The following COL11A1 variants were observed in gnomAD, a reference collection of about 807,000 sequenced individuals.
COL11A1 encodes collagen type XI alpha 1 chain, also known as collagen alpha-1(XI) chain.
COL11A1 carries 74 observed loss-of-function variants against 265.2 expected under a neutral mutation model. That is an observed-to-expected ratio of 0.28 (90% CI 0.23 to 0.34). COL11A1 has a LOEUF of 0.34. COL11A1 is among the 10% of genes least tolerant of loss of function. The probability of loss-of-function intolerance (pLI) is 1.00; values close to 1 mark genes in which losing one functional copy is unlikely to be tolerated. For missense variants in COL11A1, 2,165 were observed against 2,263.6 expected (o/e 0.96, Z 0.88); for synonymous variants, 816 against 727.6 (o/e 1.12, Z -1.96).
Position 102,896,995 on chromosome 1 carries a change from T to A in COL11A1, c.4302+1130A>T, listed in dbSNP as rs564680515. Among the ~76,000 whole-genome samples, 3 of 152,218 alleles carry A rather than the reference T, an allele frequency of 2.0e-5. No individual in the cohort carries two copies. In the South Asian group the frequency reaches 6.2e-4, roughly 32 times the overall value. On this transcript the variant is annotated intron_variant, in intron 57 of 66. Transcript: ENST00000370096. The stretch of plus-strand genomic sequence containing the variant: ...TTCAACCGGGGCCCTTTTCCTAAGC[T>A]GATGAGATAATGGGCAGAACTGATC...
chr1:102,888,471 A>G (rs904938946), intron 62 of COL11A1, 106 bp downstream of exon 62: 1 of 1,020,522 alleles, frequency 9.8e-7, no homozygotes. Flanking sequence ...TAAAATCAGC[A>G]CTTTTGGCAG....
In COL11A1 at chr1:102,877,253, G is replaced by A. The variant is rs987679505; in HGVS notation, c.*766C>T. On this transcript the variant is annotated 3_prime_UTR_variant, in exon 67 of 67. Coordinates refer to ENST00000370096, the MANE Select transcript of COL11A1 (RefSeq NM_001854.4). ...TATCCTGTGAAATCCTGGATTCTGAGAAGAAAAAGTTTGAGGTATAGCCTT... is the reference window on the plus strand; with the variant it reads ...TATCCTGTGAAATCCTGGATTCTGAAAAGAAAAAGTTTGAGGTATAGCCTT... 6 of 152,512 alleles carry A rather than the reference G, an allele frequency of 3.9e-5. No homozygotes were observed. The Admixed American group carries it at 3.9e-4, about 10-fold the overall frequency. The allele number at this position is 152,512 out of a possible 1,614,324, so 9.4% of individuals were successfully genotyped here.
intron 2 of COL11A1, 108 bp downstream of exon 2, chr1:103,082,697 C>T: frequency 2.1e-6 from 2 of 974,034 alleles, no homozygotes; most frequent in Non-Finnish European, 3.1e-6. Context: ...ATTATCTAAC[C>T]TGATAAAAAT....
At chr1:102,951,470 G>A (rs1043896930) in intron 41 of COL11A1, among the ~76,000 whole-genome samples, 2 of 152,186 alleles carry the variant, frequency 1.3e-5, no homozygotes, top group South Asian at 4.1e-4. Context: ...GGCCAAGGCG[G>A]GCGGATCACG....
chr1:103,103,211 AATG>A (rs1321505377), intron 1 of COL11A1, among the ~76,000 whole-genome samples: 2 of 152,068 alleles, frequency 1.3e-5, no homozygotes, highest in African/African-American at 4.8e-5. Context: ...AGTGTGTCAT[AATG>A]ATTATCTGAC....
At chr1:103,015,893 G>T (rs1196214374) in intron 11 of COL11A1, 151 bp from the exon 12 acceptor site, 2 of 550,130 alleles carry the variant, frequency 3.6e-6, no homozygotes, top group African/African-American at 1.9e-5. Flanking sequence ...TACCTAGACA[G>T]AATTCTATTC....
chr1:102,890,522 A>G lies in COL11A1; in HGVS notation c.4303-18T>C, dbSNP rs767253382. The G allele has an allele frequency of 3.1e-6, 5 of 1,587,760 alleles. No individual in the cohort carries two copies. The African/African-American group carries it at 4.1e-5, about 13-fold the overall frequency. ...GGAGGTCCCTAAATAATAACAAAAA[A>G]AAAACCCCAAAACAAAAACAGAGTA... On this transcript the variant is annotated intron_variant, in intron 57 of 66. Coordinates refer to ENST00000370096, the MANE Select transcript of COL11A1 (RefSeq NM_001854.4).
At chr1:103,072,354 T>C (rs1045348931) in intron 4 of COL11A1, among the ~76,000 whole-genome samples, 2 of 151,936 alleles carry the variant, frequency 1.3e-5, no homozygotes, top group African/African-American at 2.4e-5. Flanking sequence ...AATCTGCAAC[T>C]AAATCTGACT....
intron 38 of COL11A1, among the ~76,000 whole-genome samples, chr1:102,965,015 CATT>C (rs1369134447): frequency 6.6e-6 from 1 of 151,926 alleles, no homozygotes; most frequent in Non-Finnish European, 1.5e-5. Flanking sequence ...TTCTGATATT[CATT>C]ATTATGAAGG....
chr1:103,101,120 T>C (rs576239191), intron 1 of COL11A1, among the ~76,000 whole-genome samples: 251 of 151,886 alleles, frequency 1.7e-3, no homozygotes, highest in Non-Finnish European at 2.6e-3. Flanking sequence ...TGTTCAAAGA[T>C]AGGGGAGAAC....
At chr1:102,921,405 A>C in intron 48 of COL11A1, 113 bp downstream of exon 48, 1 of 843,326 alleles carries the variant, frequency 1.2e-6, no homozygotes, top group South Asian at 1.7e-5. Flanking sequence ...GTTCTTAACC[A>C]CTTAATATTA....
At chr1:102,896,570 A>G (rs1017657467) in intron 57 of COL11A1, among the ~76,000 whole-genome samples, 9 of 152,328 alleles carry the variant, frequency 5.9e-5, no homozygotes, top group African/African-American at 2.2e-4. Flanking sequence ...ACAAGCAGTC[A>G]GAATGGAATG....
chr1:103,031,308 T>C, intron 4 of COL11A1, 64 bp from the exon 5 acceptor site: 2 of 1,551,990 alleles, frequency 1.3e-6, no homozygotes, highest in Non-Finnish European at 1.7e-6. Flanking sequence ...AAAGTACACA[T>C]ATACCAAAGC....
intron 41 of COL11A1, among the ~76,000 whole-genome samples, chr1:102,958,359 A>G (rs904614815): frequency 6.6e-6 from 1 of 152,076 alleles, no homozygotes; most frequent in African/African-American, 2.4e-5. Context: ...AACTCATAGT[A>G]AGTTTTGAAC....
At chr1:103,036,106 T>C (rs974332486) in intron 4 of COL11A1, among the ~76,000 whole-genome samples, 5 of 151,574 alleles carry the variant, frequency 3.3e-5, no homozygotes, top group Non-Finnish European at 7.4e-5. Context: ...CTGAGGGTTT[T>C]GATTACAAAC....
intron 10 of COL11A1, among the ~76,000 whole-genome samples, chr1:103,018,244 G>T (rs1351677856): frequency 5.3e-5 from 8 of 152,060 alleles, no homozygotes. Flanking sequence ...TTAGGTTAGA[G>T]GCAATTATGT....
At chr1:103,073,267 G>A (rs1454431782) in intron 4 of COL11A1, among the ~76,000 whole-genome samples, 1 of 151,752 alleles carries the variant, frequency 6.6e-6, no homozygotes, top group Admixed American at 6.6e-5. Flanking sequence ...CTGATACTGT[G>A]CTTTTGTCTT....
intron 10 of COL11A1, among the ~76,000 whole-genome samples, chr1:103,018,577 A>C (rs181117149): frequency 1.1e-3 from 172 of 152,318 alleles, no homozygotes; most frequent in Non-Finnish European, 1.9e-3. Flanking sequence ...AGAAAGACGA[A>C]AATGAGTTTA....
rs571343085 is a variant in COL11A1, at chr1:102,933,747, G to A, written c.3600+702C>T. On this transcript the variant is annotated intron_variant, in intron 46 of 66. Coordinates refer to ENST00000370096, the MANE Select transcript of COL11A1 (RefSeq NM_001854.4). The stretch of plus-strand genomic sequence containing the variant: ...CTGTGCTAGCAATCAGCGAGACTCC[G>A]TGGGCGTAGGACCCTCTGAGCCAGG... 6.4e-4 allele frequency among the ~76,000 whole-genome samples: 97 copies of A among 152,220 alleles called. 1 individual carries two copies. Among genetic ancestry groups the A allele is most frequent in the Admixed American group, 6.0e-3 (91 of 15,294 alleles).
Sources: allele counts gnomAD v4.1 joint callset (sites outside exome capture counted in the v4.1 genomes callset), GRCh38; gene constraint gnomAD v4.1.1; transcripts MANE v1.5; gene names NCBI Gene and HGNC (gene_info 2026-07-23, HGNC 2026-07-21).